The following SI variants were observed in gnomAD, a reference collection of about 807,000 sequenced individuals.
SI encodes the protein sucrase-isomaltase, also known as sucrase-isomaltase, intestinal.
SI carries 235 observed loss-of-function variants against 253.3 expected under a neutral mutation model. That is an observed-to-expected ratio of 0.93 (90% CI 0.83 to 1.03). SI has a LOEUF of 1.03. Ranked by LOEUF, SI falls within the 50% of genes least tolerant of loss-of-function variation. SI has a pLI of 0.00. For missense variants in SI, 2,442 were observed against 2,211.1 expected, an observed-to-expected ratio of 1.10 and a Z score of -2.09; for synonymous variants, 819 against 712.0, an observed-to-expected ratio of 1.15 and a Z score of -2.39.
At chr3:165,047,070 T>A in intron 15 of SI, 58 bp from the exon 16 acceptor site, 1 of 1,346,326 alleles carries the variant, frequency 7.4e-7, no homozygotes, top group Non-Finnish European at 1.0e-6. Flanking sequence ...AGTTGGTATT[T>A]AAATTCTAAA....
At position 165,019,700 on chromosome 3, in the gene SI, C is replaced by T; in HGVS notation, c.3325G>A (p.Glu1109Lys). Residue 1109 changes from glutamate to lysine, a missense_variant, in exon 28 of 48, where the codon GAA becomes AAA. Coordinates refer to ENST00000264382, the MANE Select transcript of SI (RefSeq NM_001041.4). ...FIQISTRLPSEYIYGFGEVEH... is the reference protein window; with the variant it reads ...FIQISTRLPSKYIYGFGEVEH... Reference sequence around the variant, plus strand: ...ACTTCCCCAAAACCATATATATATTCTGATGGCAGGCGAGTCGATATTTGA... The same window carrying T: ...ACTTCCCCAAAACCATATATATATTTTGATGGCAGGCGAGTCGATATTTGA... The T allele has an allele frequency of 6.2e-7, 1 of 1,612,492 alleles. No homozygotes were observed. Among genetic ancestry groups the T allele is most frequent in the East Asian group, 2.2e-5 (1 of 44,802 alleles).
the SI span, among the ~76,000 whole-genome samples, chr3:165,085,226 T>A: frequency 6.6e-6 from 1 of 152,110 alleles, no homozygotes. Context: ...TCTTCACACA[T>A]AAAACCTAAT....
chr3:164,982,277 T>G lies in SI; in HGVS notation c.5381A>C (p.Asn1794Thr). Residue 1794 changes from asparagine (N) to threonine (T), a missense_variant, in exon 47 of 48, where the codon AAT becomes ACT. Asn to Thr is a moderately conservative substitution (Grantham distance 65). Coordinates refer to ENST00000264382, the MANE Select transcript of SI (RefSeq NM_001041.4). The part of the protein sequence containing the change: ...AVTLTYNGNK[N>T]SLPFNEDTTN... ...AGTGTCTTCATTAAAAGGAAGCGAA[T>G]TTTTATTTCCGTTATACGTTAGAGT... The G allele has an allele frequency of 6.2e-7, 1 of 1,613,014 alleles. No individual in the cohort carries two copies. Among genetic ancestry groups the G allele is most frequent in the Non-Finnish European group, 8.5e-7 (1 of 1,179,410 alleles).
chr3:165,046,807 CT>C, intron 16 of SI, 33 bp downstream of exon 16: 2 of 1,526,532 alleles, frequency 1.3e-6, no homozygotes, highest in Non-Finnish European at 1.8e-6. Context: ...GTAATTGTAG[CT>C]TTTATGAGTA....
intron 34 of SI, among the ~76,000 whole-genome samples, chr3:165,010,136 G>C (rs539120659): frequency 6.6e-6 from 1 of 152,124 alleles, no homozygotes; most frequent in African/African-American, 2.4e-5. Context: ...AGGAAATATA[G>C]AGATTTACAA....
chr3:165,067,429 T>C lies in SI; in HGVS notation c.546A>G (p.Gly182=), dbSNP rs1714302047. 6.2e-7 allele frequency: 1 copy of C among 1,611,372 alleles called. No individual in the cohort carries two copies. The change falls in exon 6 of 48, where the codon GGA becomes GGG. Residue 182 remains glycine (G), a synonymous_variant. Coordinates refer to ENST00000264382, the MANE Select transcript of SI (RefSeq NM_001041.4). ...CATACAACGTATCAGAAACTGTGGG[T>C]CCAGTAAACTCTTTTACATACTGAT... ...VPHQYVKEFT[G]PTVSDTLYDV...
chr3:165,079,538 A>G (rs1261452617), upstream of SI, among the ~76,000 whole-genome samples: 3 of 151,784 alleles, frequency 2.0e-5, no homozygotes, highest in African/African-American at 4.8e-5. Context: ...ATATAAAATC[A>G]GTTATATAGC....
At chr3:165,070,136 G>T (rs1414601960) in intron 3 of SI, among the ~76,000 whole-genome samples, 3 of 141,950 alleles carry the variant, frequency 2.1e-5, no homozygotes, top group Non-Finnish European at 3.1e-5. Flanking sequence ...TAAGTATATG[G>T]GATATATGTA....
chr3:165,069,860 G>A (rs139331227), intron 3 of SI, among the ~76,000 whole-genome samples: 242 of 151,532 alleles, frequency 1.6e-3, no homozygotes, highest in African/African-American at 5.4e-3. Context: ...TGCATGAATA[G>A]CAGTATAATT....
At chr3:165,011,770 ATTAT>A (rs1393110722) in intron 34 of SI, among the ~76,000 whole-genome samples, 1 of 147,652 alleles carries the variant, frequency 6.8e-6, no homozygotes, top group African/African-American at 2.5e-5. Flanking sequence ...TTATTTATTT[ATTAT>A]TTATTATTAT....
chr3:165,066,683 G>T (rs1714263963), intron 6 of SI, among the ~76,000 whole-genome samples: 1 of 151,694 alleles, frequency 6.6e-6, no homozygotes, highest in Non-Finnish European at 1.5e-5. Context: ...TACAGTATTT[G>T]CCTTTTTGTG....
chr3:165,046,541 C>T (rs1443603902), intron 16 of SI, among the ~76,000 whole-genome samples: 1 of 151,806 alleles, frequency 6.6e-6, no homozygotes, highest in Non-Finnish European at 1.5e-5. Context: ...CTTTTCTTCA[C>T]CATCTTATTT....
intron 25 of SI, among the ~76,000 whole-genome samples, chr3:165,027,468 C>A (rs1291835874): frequency 2.6e-5 from 4 of 151,234 alleles, no homozygotes; most frequent in Non-Finnish European, 4.4e-5. Flanking sequence ...GCCAGTATCA[C>A]CCTAATACCA....
At chr3:165,025,883 C>A (rs565671277) in intron 25 of SI, among the ~76,000 whole-genome samples, 2 of 151,278 alleles carry the variant, frequency 1.3e-5, no homozygotes, top group Admixed American at 6.6e-5. Context: ...CAAAACAGAA[C>A]CTCTTTAAAG....
chr3:165,023,427 AG>A (rs1418029924), intron 26 of SI, 142 bp downstream of exon 26: 1 of 646,100 alleles, frequency 1.5e-6, no homozygotes, highest in African/African-American at 1.8e-5. Context: ...TGAGTTGTGT[AG>A]GAAAAAATAT....
chr3:165,018,653 A>C (rs1363114425), intron 28 of SI, among the ~76,000 whole-genome samples: 1 of 151,228 alleles, frequency 6.6e-6, no homozygotes, highest in Non-Finnish European at 1.5e-5. Context: ...AATATATATA[A>C]AATTACCAGT....
intron 37 of SI, among the ~76,000 whole-genome samples, chr3:165,003,218 T>A (rs1375699432): frequency 1.3e-5 from 2 of 151,962 alleles, no homozygotes; most frequent in Non-Finnish European, 2.9e-5. Flanking sequence ...ACTTATTTCC[T>A]GTCTTCTGTG....
chr3:164,996,781 G>T lies in SI; in HGVS notation c.4541-9C>A. 2.0e-6 allele frequency: 2 copies of T among 996,256 alleles called. No homozygotes were observed. The highest frequency in any genetic ancestry group is 3.1e-5 in the South Asian group (2 of 64,574). The allele number at this position is 996,256 out of a possible 1,614,324, so 61.7% of individuals were successfully genotyped here. A position where few individuals can be genotyped will look rare whatever the true frequency, so the allele number is the denominator to read the frequency against. On this transcript the variant is annotated splice_polypyrimidine_tract_variant and intron_variant, in intron 38 of 47. Coordinates refer to ENST00000264382, the MANE Select transcript of SI (RefSeq NM_001041.4). ...ACTAAATTCCATCATACCTGAAAAA[G>T]TTAGAAAAAATATCTTAGAAAGTTA...
At chr3:165,058,869 C>CACACACACACACAA (rs1277720017) in intron 12 of SI, 94 bp downstream of exon 12, 56 of 958,296 alleles carry the variant, frequency 5.8e-5, no homozygotes, top group Non-Finnish European at 8.4e-5. Flanking sequence ...TACACACACA[C>CACACACACACACAA]ACACACACAC....
Sources: gnomAD v4.1 joint callset for allele counts (sites outside exome capture counted in the v4.1 genomes callset) on GRCh38, gnomAD v4.1.1 for gene constraint, MANE v1.5 for transcripts, NCBI Gene and HGNC (gene_info 2026-07-23, HGNC 2026-07-21) for gene names.